RALYL: variants seen among roughly 807,000 people sequenced by gnomAD.
RALYL encodes the protein RNA-binding Raly-like protein.
Under a neutral mutation model 35.1 loss-of-function variants are expected in RALYL, and 29 were observed. The ratio of observed to expected loss-of-function variants is 0.83; its 90% CI spans 0.61 to 1.13. The LOEUF (loss-of-function observed/expected upper bound fraction) is 1.13, where lower values mean the gene tolerates loss of function less well. RALYL is among the 50% of genes most tolerant of loss of function. The probability of loss-of-function intolerance (pLI) is 0.00; values close to 1 mark genes in which losing one functional copy is unlikely to be tolerated. For synonymous variants in RALYL, 120 were observed against 127.6 expected (o/e 0.94, Z 0.40); for missense variants, 359 against 360.4 (o/e 1.00, Z 0.03).
At chr8:84,470,310 A>G (rs768434378) in intron 1 of RALYL, among the ~76,000 whole-genome samples, 2 of 152,184 alleles carry the variant, frequency 1.3e-5, no homozygotes, top group African/African-American at 2.4e-5. Flanking sequence ...ATATTTTTCT[A>G]TTTATTTCAG....
chr8:84,311,303 C>T (rs946027772), intron 1 of RALYL, among the ~76,000 whole-genome samples: 1 of 151,558 alleles, frequency 6.6e-6, no homozygotes, highest in African/African-American at 2.4e-5. Flanking sequence ...GACATTGAAA[C>T]AATAAGTATA....
intron 1 of RALYL, among the ~76,000 whole-genome samples, chr8:84,290,724 A>G (rs921832796): frequency 5.3e-5 from 8 of 152,176 alleles, no homozygotes; most frequent in Non-Finnish European, 7.4e-5. Flanking sequence ...AGGGGATGCC[A>G]TGGCTTGGCT....
chr8:84,389,001 T>C (rs982556556), intron 1 of RALYL, among the ~76,000 whole-genome samples: 8 of 152,296 alleles, frequency 5.3e-5, no homozygotes, highest in Middle Eastern at 6.8e-3. Flanking sequence ...CTTTAATCCA[T>C]CTTGAATTGA....
intron 1 of RALYL, chr8:84,185,116 A>G: frequency 1.6e-6 from 2 of 1,232,614 alleles, no homozygotes; most frequent in Non-Finnish European, 2.4e-6. Context: ...GTTGGTTTTA[A>G]GTGCCTGCTG....
chr8:84,384,041 G>T (rs536926121), intron 1 of RALYL, among the ~76,000 whole-genome samples: 1 of 151,582 alleles, frequency 6.6e-6, no homozygotes, highest in South Asian at 2.1e-4. Context: ...CACAGTTTTC[G>T]CCTCTTTAAT....
At chr8:84,671,432 A>T (rs1384737147) in intron 2 of RALYL, among the ~76,000 whole-genome samples, 1 of 152,082 alleles carries the variant, frequency 6.6e-6, no homozygotes, top group Non-Finnish European at 1.5e-5. Context: ...GGGAGCTCTA[A>T]CCCCACATTT....
chr8:84,868,099 C>T (rs1168251829), intron 6 of RALYL, among the ~76,000 whole-genome samples: 5 of 151,908 alleles, frequency 3.3e-5, no homozygotes, highest in Non-Finnish European at 7.4e-5. Flanking sequence ...CCATGATGGG[C>T]AGTGGGGGGT....
chr8:84,721,205 T>TA (rs60532946), intron 2 of RALYL, among the ~76,000 whole-genome samples: 190 of 145,390 alleles, frequency 1.3e-3, no homozygotes, highest in Admixed American at 2.3e-3. Context: ...CTATCTCTAT[T>TA]AAAAAAAAAA....
chr8:84,563,567 GTT>G (rs765428641), intron 2 of RALYL, among the ~76,000 whole-genome samples: 2 of 144,622 alleles, frequency 1.4e-5, no homozygotes, highest in East Asian at 2.0e-4. Context: ...AAATTGGTAA[GTT>G]TTTTTTTTTT....
intron 2 of RALYL, among the ~76,000 whole-genome samples, chr8:84,640,755 C>T (rs1826138457): frequency 6.6e-6 from 1 of 151,930 alleles, no homozygotes; most frequent in African/African-American, 2.4e-5. Context: ...TGTGACACCA[C>T]AGAAGCTGAA....
At chr8:84,626,932 T>G (rs1822860412) in intron 2 of RALYL, among the ~76,000 whole-genome samples, 1 of 152,170 alleles carries the variant, frequency 6.6e-6, no homozygotes, top group African/African-American at 2.4e-5. Context: ...CGTGTGACAC[T>G]GACAGACCAG....
At chr8:84,758,243 C>T (rs560080781) in intron 2 of RALYL, among the ~76,000 whole-genome samples, 14 of 152,274 alleles carry the variant, frequency 9.2e-5, no homozygotes, top group Admixed American at 3.3e-4. Context: ...GGAGTTTGCA[C>T]ATTCACATCA....
chr8:84,599,746 A>G (rs1815458990), intron 2 of RALYL, among the ~76,000 whole-genome samples: 1 of 152,090 alleles, frequency 6.6e-6, no homozygotes, highest in Non-Finnish European at 1.5e-5. Context: ...GATTGATTCA[A>G]TTGCATTTGT....
chr8:84,605,934 T>C (rs141779108), intron 2 of RALYL, among the ~76,000 whole-genome samples: 1 of 152,234 alleles, frequency 6.6e-6, no homozygotes, highest in East Asian at 1.9e-4. Flanking sequence ...GGTTTAAGTA[T>C]AGCCAGAGTT....
intron 4 of RALYL, among the ~76,000 whole-genome samples, chr8:84,827,193 T>C (rs1829905427): frequency 6.6e-6 from 1 of 152,128 alleles, no homozygotes; most frequent in Admixed American, 6.5e-5. Flanking sequence ...AGACCCTTGC[T>C]CCAGGGGTTC....
At chr8:84,316,415 G>A (rs1843760203) in intron 1 of RALYL, among the ~76,000 whole-genome samples, 1 of 152,024 alleles carries the variant, frequency 6.6e-6, no homozygotes, top group Non-Finnish European at 1.5e-5. Flanking sequence ...ATTTCCATAA[G>A]TGAAGTCATC....
At chr8:84,626,479 A>C (rs16913052) in intron 2 of RALYL, among the ~76,000 whole-genome samples, 12,085 of 152,230 alleles carry the variant, frequency 0.079, 1,209 homozygotes, top group African/African-American at 0.23. Flanking sequence ...CCAGTCAAAC[A>C]CTAGCTGGAA....
chr8:84,495,817 C>G (rs969504482), intron 1 of RALYL, among the ~76,000 whole-genome samples: 1 of 152,080 alleles, frequency 6.6e-6, no homozygotes, highest in Non-Finnish European at 1.5e-5. Flanking sequence ...CATAAAGTGT[C>G]TCTTCAGATG....
chr8:84,202,037 C>T (rs1390191599), intron 1 of RALYL, among the ~76,000 whole-genome samples: 1 of 151,998 alleles, frequency 6.6e-6, no homozygotes. Flanking sequence ...TGTACTTTGT[C>T]ATGCCCCATT....
Sources: gnomAD v4.1 joint callset for allele counts (sites outside exome capture counted in the v4.1 genomes callset) on GRCh38, gnomAD v4.1.1 for gene constraint, MANE v1.5 for transcripts, NCBI Gene and HGNC (gene_info 2026-07-23, HGNC 2026-07-21) for gene names.